GNAQ: variants seen among roughly 807,000 people sequenced by gnomAD.
The protein encoded by GNAQ is guanine nucleotide-binding protein G(q) subunit alpha.
In GNAQ, 8 loss-of-function variants were observed where a neutral mutation model predicts 43.9. The ratio of observed to expected loss-of-function variants is 0.18; its 90% confidence interval spans 0.11 to 0.33. The LOEUF (loss-of-function observed/expected upper bound fraction) is 0.33, where lower values mean the gene tolerates loss of function less well. Ranked by LOEUF, GNAQ falls within the 10% of genes least tolerant of loss-of-function variation. The probability of loss-of-function intolerance (pLI) is 1.00; values close to 1 mark genes in which losing one functional copy is unlikely to be tolerated. For synonymous variants in GNAQ, 155 were observed against 170.7 expected (o/e 0.91, Z 0.71); for missense variants, 158 against 450.8 (o/e 0.35, Z 5.88).
intron 6 of GNAQ, among the ~76,000 whole-genome samples, chr9:77,726,577 ATTAC>A (rs1325827653): frequency 6.6e-6 from 1 of 152,216 alleles, no homozygotes; most frequent in African/African-American, 2.4e-5. Context: ...TTTTAAAGTA[ATTAC>A]TTTTCTGAGG....
chr9:77,801,697 C>T (rs1248145617), intron 3 of GNAQ, among the ~76,000 whole-genome samples: 2 of 152,162 alleles, frequency 1.3e-5, no homozygotes, highest in East Asian at 1.9e-4. Flanking sequence ...TTCCAACATA[C>T]ATCATCTAGA....
At chr9:77,969,161 C>T (rs1018861294) in intron 1 of GNAQ, among the ~76,000 whole-genome samples, 13 of 152,324 alleles carry the variant, frequency 8.5e-5, no homozygotes, top group Non-Finnish European at 1.9e-4. Flanking sequence ...CTTCATAATG[C>T]AGCCAAGCAG....
At chr9:77,765,525 CA>C (rs920580869) in intron 5 of GNAQ, among the ~76,000 whole-genome samples, 2 of 152,202 alleles carry the variant, frequency 1.3e-5, no homozygotes, top group East Asian at 3.9e-4. Flanking sequence ...AGCCGTTCGA[CA>C]AAACTAATCA....
At chr9:78,010,222 G>A (rs1000878055) in intron 1 of GNAQ, among the ~76,000 whole-genome samples, 3 of 152,156 alleles carry the variant, frequency 2.0e-5, no homozygotes, top group African/African-American at 7.2e-5. Flanking sequence ...AAGAACTCAC[G>A]ATGGTTCATA....
chr9:77,890,482 G>A (rs773936463), intron 2 of GNAQ, among the ~76,000 whole-genome samples: 18 of 152,250 alleles, frequency 1.2e-4, no homozygotes, highest in Admixed American at 3.9e-4. Flanking sequence ...CTAGCACTTT[G>A]GGAGGCCGAG....
At position 77,925,984 on chromosome 9, in the gene GNAQ, T is replaced by C. The variant is rs537866599; in HGVS notation, c.137-3639A>G. Among the ~76,000 whole-genome samples, 31 of 152,354 alleles carry C rather than the reference T, an allele frequency of 2.0e-4. 1 individual carries two copies. In the South Asian group the frequency reaches 6.2e-3, roughly 31 times the overall value. ...TATGTAAATAGTTGTCATACTGTAT[T>C]GTCATTTGTATTATTTTTACTGTTG... On this transcript the variant is annotated intron_variant, in intron 1 of 6. Coordinates refer to ENST00000286548, the MANE Select transcript of GNAQ (RefSeq NM_002072.5).
intron 2 of GNAQ, among the ~76,000 whole-genome samples, chr9:77,822,964 GGTCT>G (rs1446549878): frequency 6.7e-6 from 1 of 150,216 alleles, no homozygotes; most frequent in Non-Finnish European, 1.5e-5. Context: ...AAGGAGTCTT[GGTCT>G]GTCACCCAGG....
intron 5 of GNAQ, among the ~76,000 whole-genome samples, chr9:77,741,276 C>T (rs1203010203): frequency 6.6e-6 from 1 of 152,110 alleles, no homozygotes; most frequent in Admixed American, 6.5e-5. Context: ...TCACAGCCAC[C>T]TGAATTATTA....
intron 1 of GNAQ, among the ~76,000 whole-genome samples, chr9:77,975,749 A>G (rs1823293347): frequency 6.7e-6 from 1 of 148,712 alleles, no homozygotes; most frequent in Non-Finnish European, 1.5e-5. Flanking sequence ...CATGTTGGCC[A>G]GGATGGTTGA....
chr9:77,830,740 AACTTGTGC>A (rs1397923790), intron 2 of GNAQ, among the ~76,000 whole-genome samples: 1 of 152,138 alleles, frequency 6.6e-6, no homozygotes, highest in Non-Finnish European at 1.5e-5. Context: ...ACTGCTAGAA[AACTTGTGC>A]TGCAAAAAAA....
intron 2 of GNAQ, among the ~76,000 whole-genome samples, chr9:77,821,621 C>T (rs10120844): frequency 0.84 from 128,072 of 152,026 alleles, 54,477 homozygotes; most frequent in African/African-American, 0.96. Context: ...ACAAAGAACA[C>T]TGCCTTCAGG....
At chr9:77,783,627 G>T (rs1210425614) in intron 5 of GNAQ, among the ~76,000 whole-genome samples, 1 of 152,058 alleles carries the variant, frequency 6.6e-6, no homozygotes, top group Non-Finnish European at 1.5e-5. Context: ...CCTTCCCACT[G>T]CTCAGTTATT....
chr9:77,985,955 CT>C (rs956354735), intron 1 of GNAQ, among the ~76,000 whole-genome samples: 1 of 151,964 alleles, frequency 6.6e-6, no homozygotes, highest in East Asian at 1.9e-4. Flanking sequence ...GACACAAAGA[CT>C]TTTTTTTCCT....
At chr9:77,756,655 CAG>C (rs1487683287) in intron 5 of GNAQ, among the ~76,000 whole-genome samples, 9 of 152,314 alleles carry the variant, frequency 5.9e-5, no homozygotes, top group African/African-American at 1.7e-4. Flanking sequence ...GCTTCCTTAA[CAG>C]AGAAATGCAC....
intron 5 of GNAQ, among the ~76,000 whole-genome samples, chr9:77,748,000 A>C (rs908106691): frequency 1.3e-5 from 2 of 152,160 alleles, no homozygotes; most frequent in Admixed American, 1.3e-4. Flanking sequence ...GTTTAGATCT[A>C]GCAGGACAAT....
At chr9:77,848,421 G>A (rs1827620316) in intron 2 of GNAQ, among the ~76,000 whole-genome samples, 1 of 152,314 alleles carries the variant, frequency 6.6e-6, no homozygotes, top group Non-Finnish European at 1.5e-5. Context: ...TTTCACTAGA[G>A]TCTTAGGGTG....
intron 1 of GNAQ, among the ~76,000 whole-genome samples, chr9:78,018,988 T>C (rs1018161161): frequency 6.6e-6 from 1 of 152,136 alleles, no homozygotes; most frequent in Non-Finnish European, 1.5e-5. Flanking sequence ...TCTGTTCTCA[T>C]AACAAGCATG....
chr9:77,752,205 T>C (rs1825823584), intron 5 of GNAQ, among the ~76,000 whole-genome samples: 2 of 152,136 alleles, frequency 1.3e-5, no homozygotes, highest in South Asian at 4.2e-4. Flanking sequence ...TGTAGAGAGG[T>C]CTCTAGGCAA....
chr9:77,727,635 T>C (rs554807121), intron 6 of GNAQ, among the ~76,000 whole-genome samples: 1 of 152,208 alleles, frequency 6.6e-6, no homozygotes, highest in Non-Finnish European at 1.5e-5. Context: ...AAAGGAAGTA[T>C]TTCCTGAGTA....
Sources: gnomAD v4.1 joint callset for allele counts (sites outside exome capture counted in the v4.1 genomes callset) on GRCh38, gnomAD v4.1.1 for gene constraint, MANE v1.5 for transcripts, NCBI Gene and HGNC (gene_info 2026-07-23, HGNC 2026-07-21) for gene names.